The following SOX5 variants were observed in gnomAD, a reference collection of about 807,000 sequenced individuals.
The protein encoded by SOX5 is SRY-box transcription factor 5, also known as transcription factor SOX-5.
A neutral mutation model predicts 92.0 loss-of-function variants in SOX5; 9 were observed. The ratio of observed to expected loss-of-function variants is 0.10; its 90% CI spans 0.06 to 0.17. The LOEUF is 0.17. Among genes scored for constraint, SOX5 ranks in the 10% least tolerant of loss-of-function variants. The pLI is 1.00. For synonymous variants in SOX5, 344 were observed against 336.3 expected (o/e 1.02, Z -0.25); for missense variants, 642 against 944.5 (o/e 0.68, Z 4.20).
At chr12:24,331,079 G>T (rs990522514) in intron 2 of SOX5, among the ~76,000 whole-genome samples, 2 of 152,034 alleles carry the variant, frequency 1.3e-5, no homozygotes, top group Non-Finnish European at 2.9e-5. Context: ...AGAAAACAGG[G>T]GTACTCATGG....
intron 3 of SOX5, among the ~76,000 whole-genome samples, chr12:24,230,876 T>C (rs958325816): frequency 6.6e-6 from 1 of 152,204 alleles, no homozygotes; most frequent in Non-Finnish European, 1.5e-5. Flanking sequence ...AGTCATGATA[T>C]TGACTTCTTA....
intron 7 of SOX5, among the ~76,000 whole-genome samples, chr12:23,657,597 T>G (rs1008358116): frequency 2.0e-5 from 3 of 152,178 alleles, no homozygotes; most frequent in African/African-American, 7.2e-5. Flanking sequence ...TTTATTCAGA[T>G]AAAATAATAT....
chr12:24,439,767 C>T (rs931260264), intron 1 of SOX5, among the ~76,000 whole-genome samples: 1 of 151,992 alleles, frequency 6.6e-6, no homozygotes, highest in Non-Finnish European at 1.5e-5. Context: ...TGGTGGCGGG[C>T]GCCTGTAGTC....
At chr12:24,451,061 C>T (rs1208531103) in intron 1 of SOX5, among the ~76,000 whole-genome samples, 1 of 152,166 alleles carries the variant, frequency 6.6e-6, no homozygotes, top group Non-Finnish European at 1.5e-5. Context: ...TCTTTCTGTG[C>T]CTGGCTTATT....
chr12:24,398,243 C>T lies in SOX5; in HGVS notation c.-250-29604G>A, dbSNP rs561268858. Among the ~76,000 whole-genome samples the T allele has an allele frequency of 3.3e-5, 5 of 152,296 alleles. No homozygotes were observed. The East Asian group carries it at 9.6e-4, about 29-fold the overall frequency. ...TTTAGGCCAGATGCAGTGGCTCACG[C>T]CTGTAATCCCAACCCTTTGGAAGGC... On this transcript the variant is annotated intron_variant, in intron 1 of 4. Transcript: ENST00000446891.
At chr12:24,219,227 T>C (rs1959802394) in intron 3 of SOX5, among the ~76,000 whole-genome samples, 1 of 152,004 alleles carries the variant, frequency 6.6e-6, no homozygotes, top group African/African-American at 2.4e-5. Context: ...AAGAATAAGA[T>C]CTAGTGTTTG....
chr12:24,376,455 T>C (rs1391187224), intron 1 of SOX5, among the ~76,000 whole-genome samples: 1 of 152,204 alleles, frequency 6.6e-6, no homozygotes, highest in African/African-American at 2.4e-5. Context: ...TGATGGCATC[T>C]TAACCTTGCA....
At chr12:24,260,380 A>G (rs1736782967) in intron 3 of SOX5, among the ~76,000 whole-genome samples, 2 of 152,214 alleles carry the variant, frequency 1.3e-5, no homozygotes, top group East Asian at 1.9e-4. Context: ...ATATCATAGG[A>G]TTGTTACGAT....
At chr12:23,835,045 C>G (rs1043418116) in intron 3 of SOX5, among the ~76,000 whole-genome samples, 1 of 151,810 alleles carries the variant, frequency 6.6e-6, no homozygotes, top group African/African-American at 2.4e-5. Context: ...GAATGAAAAT[C>G]AAGTTTAAAT....
chr12:24,383,257 G>C (rs1958016063), intron 1 of SOX5, among the ~76,000 whole-genome samples: 1 of 152,178 alleles, frequency 6.6e-6, no homozygotes, highest in South Asian at 2.1e-4. Context: ...AGAATTGACA[G>C]TGTCTTTGAT....
chr12:24,167,304 A>G (rs1388548770), intron 4 of SOX5, among the ~76,000 whole-genome samples: 1 of 152,206 alleles, frequency 6.6e-6, no homozygotes, highest in Non-Finnish European at 1.5e-5. Flanking sequence ...ATATATTAAA[A>G]GCTCCAAGGA....
chr12:23,786,874 C>T (rs2095389445), intron 3 of SOX5, among the ~76,000 whole-genome samples: 1 of 145,568 alleles, frequency 6.9e-6, no homozygotes, highest in Non-Finnish European at 1.5e-5. Context: ...TATCTATTAA[C>T]ATGTTTTTTT....
At chr12:23,958,303 A>G (rs1946504080) in intron 4 of SOX5, among the ~76,000 whole-genome samples, 1 of 152,062 alleles carries the variant, frequency 6.6e-6, no homozygotes, top group Non-Finnish European at 1.5e-5. Context: ...GAAAAAAGGA[A>G]AGAATCAATA....
chr12:23,842,014 A>G (rs1274183084), intron 3 of SOX5, among the ~76,000 whole-genome samples: 1 of 152,180 alleles, frequency 6.6e-6, no homozygotes, highest in African/African-American at 2.4e-5. Flanking sequence ...GGACACCAGT[A>G]AAGAATACAG....
chr12:23,543,326 A>G lies in SOX5; in HGVS notation c.1656T>C (p.Asn552=), dbSNP rs763859604. The change falls in exon 13 of 15, where the codon AAT becomes AAC. Residue 552 remains asparagine, a synonymous_variant. Transcript: ENST00000451604. ...IYRESRGRGS[N]EPHIKRPMNA... Reference sequence around the variant, plus strand: ...TCATTGGACGCTTTATGTGGGGTTCATTGCTACCACGCCCTCGGGATTCCC... The same window carrying G: ...TCATTGGACGCTTTATGTGGGGTTCGTTGCTACCACGCCCTCGGGATTCCC... 13 of 1,613,842 alleles carry G rather than the reference A, an allele frequency of 8.1e-6. No homozygotes were observed. The highest frequency in any genetic ancestry group is 1.1e-5 in the Non-Finnish European group (13 of 1,179,876).
At chr12:24,195,641 T>C (rs1565631935) in intron 4 of SOX5, among the ~76,000 whole-genome samples, 1 of 152,182 alleles carries the variant, frequency 6.6e-6, no homozygotes, top group African/African-American at 2.4e-5. Context: ...TGGTCCAAAC[T>C]GCATGTCCCT....
intron 3 of SOX5, among the ~76,000 whole-genome samples, chr12:23,838,853 G>GGGGT (rs2096473464): frequency 1.0e-5 from 1 of 96,330 alleles, no homozygotes; most frequent in Non-Finnish European, 2.1e-5. Context: ...TGGGGGGGGG[G>GGGGT]GGCGGGGATG....
Position 23,651,666 on chromosome 12 carries a change from T to C in SOX5, c.932-10769A>G, listed in dbSNP as rs191387559. Among the ~76,000 whole-genome samples the C allele has an allele frequency of 5.9e-3, 894 of 152,138 alleles. 6 individuals carry two copies. Among genetic ancestry groups the C allele is most frequent in the Non-Finnish European group, 0.011 (724 of 67,960 alleles). On this transcript the variant is annotated intron_variant, in intron 7 of 14. Transcript: ENST00000451604. ...GAGAAAAGGATTTATACAAGTTGGA[T>C]CACTGGGGAAAGAATCAGAGGAGGG...
chr12:24,115,308 G>A (rs1321313535), intron 4 of SOX5, among the ~76,000 whole-genome samples: 1 of 152,094 alleles, frequency 6.6e-6, no homozygotes, highest in Non-Finnish European at 1.5e-5. Context: ...GTGAAATTTC[G>A]AAAAGCTGAA....
Sources: gnomAD v4.1 joint callset for allele counts (sites outside exome capture counted in the v4.1 genomes callset) on GRCh38, gnomAD v4.1.1 for gene constraint, MANE v1.5 for transcripts, NCBI Gene and HGNC (gene_info 2026-07-23, HGNC 2026-07-21) for gene names.